ZMAT3: variants seen among roughly 807,000 people sequenced by gnomAD.
ZMAT3 encodes the protein zinc finger matrin-type 3.
In ZMAT3, 17 loss-of-function variants were observed where a neutral mutation model predicts 32.3. That is an observed-to-expected ratio of 0.53 (90% CI 0.36 to 0.79). ZMAT3 has a LOEUF of 0.79. ZMAT3 is among the 30% of genes least tolerant of loss of function. The pLI is 0.00. For synonymous variants in ZMAT3, 120 were observed against 133.1 expected, an observed-to-expected ratio of 0.90 and a Z score of 0.68; for missense variants, 329 against 359.7, an observed-to-expected ratio of 0.91 and a Z score of 0.69.
At chr3:179,034,481 C>G (rs969810690) in intron 2 of ZMAT3, among the ~76,000 whole-genome samples, 4 of 152,202 alleles carry the variant, frequency 2.6e-5, no homozygotes, top group African/African-American at 9.7e-5. Flanking sequence ...TCTACAATGT[C>G]CAAGGACGCA....
intron 5 of ZMAT3, among the ~76,000 whole-genome samples, 194 bp from the exon 6 acceptor site, chr3:179,025,422 TTCC>T (rs1274916098): frequency 6.6e-6 from 1 of 152,202 alleles, no homozygotes; most frequent in African/African-American, 2.4e-5. Context: ...GATAAAATGA[TTCC>T]TCCAACCATT....
In ZMAT3 at chr3:179,025,750, C is replaced by T. The variant is rs185676578; in HGVS notation, c.659-522G>A. Among the ~76,000 whole-genome samples, 542 of 152,142 alleles carry T rather than the reference C, an allele frequency of 3.6e-3. 2 individuals carry two copies. The highest frequency in any genetic ancestry group is 5.7e-3 in the Non-Finnish European group (388 of 67,968). ...AATGCAATGGAAAACTATGCCATTG[C>T]TAAATATAATAATGCTATAGAAAAC... On this transcript the variant is annotated intron_variant, in intron 5 of 5. Transcript: ENST00000311417.
intron 2 of ZMAT3, among the ~76,000 whole-genome samples, chr3:179,045,625 T>C (rs1007453664): frequency 2.0e-5 from 3 of 152,178 alleles, no homozygotes; most frequent in Admixed American, 6.6e-5. Context: ...GTAGCAAATA[T>C]ACAAAAACAA....
chr3:179,048,037 T>C (rs1465890196), intron 2 of ZMAT3, among the ~76,000 whole-genome samples: 1 of 152,044 alleles, frequency 6.6e-6, no homozygotes, highest in African/African-American at 2.4e-5. Flanking sequence ...GTCTCAGCAA[T>C]AGAGTCGGAC....
At chr3:179,060,232 CAG>C (rs1721082631) in intron 2 of ZMAT3, among the ~76,000 whole-genome samples, 1 of 100,414 alleles carries the variant, frequency 1.0e-5, no homozygotes, top group Admixed American at 1.1e-4. Flanking sequence ...TAAAAGATAG[CAG>C]AGACAAACAA....
Position 179,024,866 on chromosome 3 carries a change from A to G in ZMAT3, c.*151T>C, listed in dbSNP as rs907020765. ...CCCCCCGCCCCGCCCCCGGGCCCCC[A>G]GGTTTTGACATCTCATGGTACCACT... On this transcript the variant is annotated 3_prime_UTR_variant, in exon 6 of 6. Transcript: ENST00000311417. 9.4e-6 allele frequency: 4 copies of G among 424,692 alleles called. No individual in the cohort carries two copies. The highest frequency in any genetic ancestry group is 1.7e-5 in the Non-Finnish European group (4 of 238,464). 26.3% of individuals were successfully genotyped at this position (424,692 alleles called of 1,614,324 possible). A position where few individuals can be genotyped will look rare whatever the true frequency, so the allele number is the denominator to read the frequency against.
intron 2 of ZMAT3, among the ~76,000 whole-genome samples, chr3:179,037,119 T>G (rs1306166433): frequency 6.6e-6 from 1 of 152,104 alleles, no homozygotes; most frequent in Non-Finnish European, 1.5e-5. Flanking sequence ...CTCTCCAGTG[T>G]CCATGTACCT....
intron 2 of ZMAT3, among the ~76,000 whole-genome samples, chr3:179,031,241 GAA>G (rs753173864): frequency 5.7e-5 from 8 of 140,744 alleles, no homozygotes; most frequent in South Asian, 2.2e-4. Context: ...GTATGTACAG[GAA>G]AAAAAAAAAA....
intron 1 of ZMAT3, among the ~76,000 whole-genome samples, chr3:179,068,348 C>T (rs1721529711): frequency 1.3e-5 from 2 of 152,128 alleles, no homozygotes; most frequent in Admixed American, 6.5e-5. Flanking sequence ...CCCGTCTCTA[C>T]TAAAAATACA....
In ZMAT3 at chr3:179,020,449, A is replaced by G. The variant is rs1237389337; in HGVS notation, c.*4568T>C. On this transcript the variant is annotated 3_prime_UTR_variant, in exon 6 of 6. Transcript: ENST00000311417. Reference sequence around the variant, plus strand: ...CTCCCCTGCCAAGAAAGCAAAAACAATAACAAAACACTTTTTATCATATAT... The same window carrying G: ...CTCCCCTGCCAAGAAAGCAAAAACAGTAACAAAACACTTTTTATCATATAT... The G allele has an allele frequency of 1.3e-5, 2 of 152,250 alleles. No individual in the cohort carries two copies. The highest frequency in any genetic ancestry group is 4.1e-4 in the South Asian group (2 of 4,834). 9.4% of individuals were successfully genotyped at this position (152,250 alleles called of 1,614,324 possible).
intron 2 of ZMAT3, among the ~76,000 whole-genome samples, 155 bp from the exon 3 acceptor site, chr3:179,031,154 T>C (rs1461572881): frequency 6.6e-6 from 1 of 152,210 alleles, no homozygotes; most frequent in Admixed American, 6.5e-5. Context: ...TTTTTATAAT[T>C]GTTCTTTTTT....
At chr3:179,051,842 A>G (rs1247070570) in intron 2 of ZMAT3, among the ~76,000 whole-genome samples, 3 of 152,176 alleles carry the variant, frequency 2.0e-5, no homozygotes, top group Non-Finnish European at 4.4e-5. Context: ...TTAGACCAAT[A>G]AAACAGAATA....
intron 5 of ZMAT3, 82 bp from the exon 6 acceptor site, chr3:179,025,310 ATT>A: frequency 1.7e-6 from 2 of 1,147,168 alleles, no homozygotes; most frequent in Non-Finnish European, 2.5e-6. Flanking sequence ...GTAATTTGTA[ATT>A]CTAAGTTCAA....
In ZMAT3 at chr3:179,025,207, C is replaced by T. The variant is rs151132491; in HGVS notation, c.680G>A (p.Arg227His). 12 of 1,613,602 alleles carry T rather than the reference C, an allele frequency of 7.4e-6. No individual in the cohort carries two copies. Among genetic ancestry groups the T allele is most frequent in the East Asian group, 2.2e-5 (1 of 44,884 alleles). The change falls in exon 6 of 6, where the codon CGC (arginine) becomes CAC (histidine). Residue 227 changes from arginine (R) to histidine (H), a missense_variant. Physicochemically the swap from Arg to His is conservative, Grantham distance 29. Transcript: ENST00000311417. ...NNSAGPYFNP[R>H]SRQRIPRDLA... is the part of the protein sequence containing the mutation. ...ATCACGTGGAATTCTCTGCCGAGAG[C>T]GGGGATTGAAGTAAGGACCTGCTAA...
chr3:179,025,986 T>C (rs563095196), intron 5 of ZMAT3, among the ~76,000 whole-genome samples: 1 of 152,332 alleles, frequency 6.6e-6, no homozygotes, highest in South Asian at 2.1e-4. Flanking sequence ...TATAATAATA[T>C]ATAGGTAATA....
At chr3:179,072,127 ACTTTCATC>A (rs1326954436), upstream of ZMAT3, 1 of 152,558 alleles carries the variant, frequency 6.6e-6, no homozygotes, top group Admixed American at 6.5e-5. Context: ...AGCTTTTGCA[ACTTTCATC>A]TCCAGTCATT....
intron 2 of ZMAT3, among the ~76,000 whole-genome samples, chr3:179,044,563 G>A (rs973722113): frequency 8.5e-5 from 13 of 152,086 alleles, no homozygotes; most frequent in African/African-American, 3.1e-4. Context: ...AGAATGGCAT[G>A]AACCCAGGAG....
intron 2 of ZMAT3, among the ~76,000 whole-genome samples, chr3:179,064,870 G>A (rs766875557): frequency 3.5e-4 from 53 of 151,328 alleles, no homozygotes; most frequent in Admixed American, 5.9e-4. Flanking sequence ...TTCACACTCT[G>A]TTTATTATTC....
At chr3:179,041,843 TAATA>T in intron 2 of ZMAT3, among the ~76,000 whole-genome samples, 1 of 150,900 alleles carries the variant, frequency 6.6e-6, no homozygotes, top group East Asian at 1.9e-4. Context: ...CTAGCAAGAC[TAATA>T]AAGAAGAAAA....
Sources: gnomAD v4.1 joint callset for allele counts (sites outside exome capture counted in the v4.1 genomes callset) on GRCh38, gnomAD v4.1.1 for gene constraint, MANE v1.5 for transcripts, NCBI Gene and HGNC (gene_info 2026-07-23, HGNC 2026-07-21) for gene names.